Variants in GLI3 observed in about 807,000 individuals in gnomAD.
GLI3 encodes the protein GLI family zinc finger 3, also known as transcription activator GLI3.
In GLI3, 20 loss-of-function variants were observed where a neutral mutation model predicts 100.8. The observed-to-expected ratio is 0.20, with a 90% confidence interval of 0.14 to 0.29. The LOEUF (loss-of-function observed/expected upper bound fraction) is 0.29, where lower values mean the gene tolerates loss of function less well. GLI3 is among the 10% of genes least tolerant of loss of function. The pLI is 1.00. For missense variants in GLI3, 2,040 were observed against 2,128.5 expected (o/e 0.96, Z 0.82); for synonymous variants, 938 against 860.5 (o/e 1.09, Z -1.58).
chr7:41,965,488 G>C lies in GLI3; in HGVS notation c.3585C>G (p.Asn1195Lys). 2 of 1,609,070 alleles carry C rather than the reference G, an allele frequency of 1.2e-6. No homozygotes were observed. Among genetic ancestry groups the C allele is most frequent in the Middle Eastern group, 1.7e-4 (1 of 6,054 alleles). Residue 1195 changes from asparagine (N) to lysine (K), a missense_variant, in exon 15 of 15, where the codon AAC becomes AAG. Transcript: ENST00000395925. ...VPQTRAFGFC[N>K]GMVVHPQNPL... ...GGTTCTGCGGGTGGACGACCATGCC[G>C]TTGCAGAACCCAAAGGCGCGAGTCT...
intron 3 of GLI3, among the ~76,000 whole-genome samples, chr7:42,132,262 G>GCCCGCCACCACGCCCA (rs1562748790): frequency 6.7e-6 from 1 of 149,994 alleles, no homozygotes; most frequent in Admixed American, 6.6e-5. Context: ...CACTACGCCC[G>GCCCGCCACCACGCCCA]GCTAATTTTT....
In GLI3 at chr7:42,249,177, T is replaced by C. The variant is rs538179168; in HGVS notation, c.-43+14817A>G. ...ACAGGAGTCTTTTACAAACTTTTTA[T>C]GTAAAAGACCACAACTTTTCAGGCC... On this transcript the variant is annotated intron_variant, in intron 1 of 2. Coordinates refer to the GLI3 transcript ENST00000678978. Among the ~76,000 whole-genome samples the C allele has an allele frequency of 3.3e-5, 5 of 152,282 alleles. No homozygotes were observed. The East Asian group carries it at 5.8e-4, about 18-fold the overall frequency.
intron 1 of GLI3, among the ~76,000 whole-genome samples, chr7:42,253,249 T>A (rs1395633372): frequency 1.3e-5 from 2 of 152,246 alleles, no homozygotes; most frequent in Non-Finnish European, 2.9e-5. Context: ...ACCTGGAATA[T>A]GAACTTCACC....
At chr7:41,993,010 T>A (rs1445628358) in intron 10 of GLI3, among the ~76,000 whole-genome samples, 1 of 152,216 alleles carries the variant, frequency 6.6e-6, no homozygotes, top group Non-Finnish European at 1.5e-5. Flanking sequence ...GTTTCTCCCA[T>A]GCTGCCTGCA....
intron 3 of GLI3, among the ~76,000 whole-genome samples, chr7:42,129,679 C>T (rs753421477): frequency 5.3e-5 from 8 of 152,116 alleles, no homozygotes; most frequent in Admixed American, 3.9e-4. Flanking sequence ...GGTGAGGTGG[C>T]GGGCGCCTGT....
At chr7:42,016,730 CCAT>C (rs1387568490) in intron 10 of GLI3, among the ~76,000 whole-genome samples, 1 of 152,116 alleles carries the variant, frequency 6.6e-6, no homozygotes, top group Non-Finnish European at 1.5e-5. Context: ...ATCATCACCA[CCAT>C]CATCATTTCA....
chr7:41,977,565 G>C lies in GLI3; in HGVS notation c.1805C>G (p.Ser602Cys), dbSNP rs1486078209. The change falls in exon 12 of 15, where the codon TCC (serine) becomes TGC (cysteine). Residue 602 changes from serine to cysteine, a missense_variant. Ser to Cys is a moderately radical substitution (Grantham distance 112, BLOSUM62 -1). Coordinates refer to ENST00000395925, the MANE Select transcript of GLI3 (RefSeq NM_000168.6). ...CCCACTGAGGATGCTTACCTCATTG[G>C]AATGCGTTCTGTTTTGGTGTTTGGC... ...DRAKHQNRTH[S>C]NEKPYVCKIP... The C allele has an allele frequency of 6.2e-7, 1 of 1,614,030 alleles. No individual in the cohort carries two copies. The highest frequency in any genetic ancestry group is 8.5e-7 in the Non-Finnish European group (1 of 1,180,006).
intron 13 of GLI3, among the ~76,000 whole-genome samples, chr7:41,969,007 C>T (rs1787300209): frequency 6.6e-6 from 1 of 152,188 alleles, no homozygotes. Context: ...CCTCTCGCTC[C>T]CAGGGCTCCT....
At chr7:42,172,060 TA>T (rs941492557) in intron 2 of GLI3, among the ~76,000 whole-genome samples, 1 of 149,646 alleles carries the variant, frequency 6.7e-6, no homozygotes, top group African/African-American at 2.5e-5. Flanking sequence ...AACAGAAAAG[TA>T]TATTTCCTTC....
intron 3 of GLI3, among the ~76,000 whole-genome samples, chr7:42,121,889 T>C (rs1786008444): frequency 6.6e-6 from 1 of 152,192 alleles, no homozygotes; most frequent in South Asian, 2.1e-4. Context: ...AGTTCAGCAT[T>C]GGTAATAAAT....
At chr7:42,199,025 T>C (rs1046998696) in intron 2 of GLI3, among the ~76,000 whole-genome samples, 1 of 151,688 alleles carries the variant, frequency 6.6e-6, no homozygotes, top group African/African-American at 2.4e-5. Flanking sequence ...ATTATGATGA[T>C]AGATAACAAA....
intron 2 of GLI3, among the ~76,000 whole-genome samples, chr7:42,198,929 C>CT (rs34261962): frequency 0.49 from 71,635 of 146,114 alleles, 19,254 homozygotes; most frequent in African/African-American, 0.74. Context: ...GAAAAAGTTT[C>CT]TTTTTTTTTT....
chr7:42,189,899 C>A (rs1453502767), intron 2 of GLI3, among the ~76,000 whole-genome samples: 4 of 151,190 alleles, frequency 2.6e-5, no homozygotes, highest in Non-Finnish European at 5.9e-5. Context: ...TAATATTATA[C>A]CAAGATAGAT....
At chr7:42,082,696 A>G (rs1337054755) in intron 3 of GLI3, among the ~76,000 whole-genome samples, 2 of 152,180 alleles carry the variant, frequency 1.3e-5, no homozygotes, top group African/African-American at 2.4e-5. Flanking sequence ...GATCTTCTAT[A>G]GGGTAATGCA....
At chr7:42,083,874 G>C (rs1471879780) in intron 3 of GLI3, among the ~76,000 whole-genome samples, 1 of 152,162 alleles carries the variant, frequency 6.6e-6, no homozygotes, top group East Asian at 1.9e-4. Context: ...CAAGATAATG[G>C]ATGAAATTAA....
intron 10 of GLI3, among the ~76,000 whole-genome samples, chr7:41,980,573 A>C (rs993727813): frequency 6.6e-6 from 1 of 152,102 alleles, no homozygotes; most frequent in Non-Finnish European, 1.5e-5. Flanking sequence ...TCCTTGGATT[A>C]ATGCATATGA....
chr7:42,177,060 G>T (rs1207197933), intron 2 of GLI3, among the ~76,000 whole-genome samples: 1 of 152,198 alleles, frequency 6.6e-6, no homozygotes, highest in East Asian at 1.9e-4. Flanking sequence ...CACCCACTTT[G>T]TTACAGGAGG....
intron 2 of GLI3, among the ~76,000 whole-genome samples, chr7:42,204,638 T>C (rs961700825): frequency 1.1e-3 from 167 of 152,318 alleles, no homozygotes; most frequent in African/African-American, 3.9e-3. Context: ...AAATAATCCT[T>C]ACACTTATAA....
chr7:42,002,752 T>C (rs1002361757), intron 10 of GLI3, among the ~76,000 whole-genome samples: 8 of 152,196 alleles, frequency 5.3e-5, no homozygotes, highest in Non-Finnish European at 1.2e-4. Flanking sequence ...TAAGAAATCA[T>C]AGCATACTTA....
Sources: allele counts gnomAD v4.1 joint callset (sites outside exome capture counted in the v4.1 genomes callset), GRCh38; gene constraint gnomAD v4.1.1; transcripts MANE v1.5; gene names NCBI Gene and HGNC (gene_info 2026-07-23, HGNC 2026-07-21).